The following GALNT13 variants were observed in gnomAD, a reference collection of about 807,000 sequenced individuals.
The protein encoded by GALNT13 is polypeptide N-acetylgalactosaminyltransferase 13.
GALNT13 carries 28 observed loss-of-function variants against 64.2 expected under a neutral mutation model. The observed-to-expected ratio is 0.44, with a 90% CI of 0.32 to 0.60. The LOEUF (loss-of-function observed/expected upper bound fraction) is 0.60, where lower values mean the gene tolerates loss of function less well. GALNT13 is among the 20% of genes least tolerant of loss of function. The pLI is 0.05. For synonymous variants in GALNT13, 214 were observed against 224.6 expected (o/e 0.95, Z 0.42); for missense variants, 577 against 669.8 (o/e 0.86, Z 1.53).
the GALNT13 span, among the ~76,000 whole-genome samples, chr2:153,798,702 G>T: frequency 6.6e-6 from 1 of 152,110 alleles, no homozygotes; most frequent in South Asian, 2.1e-4. Context: ...TGTATACGGA[G>T]AAATTATTTT....
intron 9 of GALNT13, among the ~76,000 whole-genome samples, chr2:154,364,247 CTTAATT>C (rs1364430127): frequency 2.0e-5 from 3 of 152,096 alleles, no homozygotes; most frequent in African/African-American, 7.2e-5. Flanking sequence ...AAAATAGAAA[CTTAATT>C]TTAAGTTAAT....
intron 7 of GALNT13, among the ~76,000 whole-genome samples, chr2:154,258,196 G>A (rs941918727): frequency 1.3e-5 from 2 of 152,046 alleles, no homozygotes; most frequent in Admixed American, 1.3e-4. Flanking sequence ...GACTTGTGTA[G>A]CTCACTCATT....
chr2:154,025,276 G>A (rs1370674182), intron 3 of GALNT13, among the ~76,000 whole-genome samples: 1 of 152,170 alleles, frequency 6.6e-6, no homozygotes, highest in Non-Finnish European at 1.5e-5. Flanking sequence ...GGGTGCTGTA[G>A]ACTGGAGCTG....
At chr2:153,103,902 A>G in the GALNT13 span, among the ~76,000 whole-genome samples, 1 of 152,180 alleles carries the variant, frequency 6.6e-6, no homozygotes, top group African/African-American at 2.4e-5. Context: ...GGTTTTAGTG[A>G]AAATATAATT....
At chr2:153,388,110 ATATAGACCCTAG>A in the GALNT13 span, among the ~76,000 whole-genome samples, 1 of 151,896 alleles carries the variant, frequency 6.6e-6, no homozygotes, top group African/African-American at 2.4e-5. Flanking sequence ...GAAAGGGAAA[ATATAGACCCTAG>A]TCTTTGCTTT....
the GALNT13 span, among the ~76,000 whole-genome samples, chr2:153,717,596 G>A: frequency 3.3e-4 from 50 of 152,074 alleles, no homozygotes; most frequent in African/African-American, 9.4e-4. Flanking sequence ...CACAAATTGC[G>A]TTCTTGTATT....
At chr2:153,429,604 G>C in the GALNT13 span, among the ~76,000 whole-genome samples, 2 of 152,008 alleles carry the variant, frequency 1.3e-5, no homozygotes, top group Non-Finnish European at 2.9e-5. Flanking sequence ...AACATCTTCC[G>C]AGAGAAAGCA....
Position 154,242,915 on chromosome 2 carries a change from T to G in GALNT13, c.686+10T>G. ...GAATAAAGGAAGACAGGTAAGAATT[T>G]ATGTGTTCTGTCTGCCTGGGTTATG... On this transcript the variant is annotated intron_variant, in intron 6 of 12. Coordinates refer to ENST00000392825, the MANE Select transcript of GALNT13 (RefSeq NM_052917.4). 1.2e-6 allele frequency: 2 copies of G among 1,609,936 alleles called. No individual in the cohort carries two copies. The highest frequency in any genetic ancestry group is 1.7e-6 in the Non-Finnish European group (2 of 1,176,418).
rs114029964 is a variant in GALNT13 at position 154,125,589 on chromosome 2, C to T, written c.143-14748C>T. 7.0e-3 allele frequency among the ~76,000 whole-genome samples: 1,059 copies of T among 152,044 alleles called. 8 individuals are homozygous for T. The highest frequency in any genetic ancestry group is 0.024 in the African/African-American group (984 of 41,472). On this transcript the variant is annotated intron_variant, in intron 3 of 12. Transcript: ENST00000392825. ...ATTAGATAATCTGCATGTACAAAAA[C>T]GCAAAAAAGTGGAGCAAAGAGGAGG... is the stretch of plus-strand genomic sequence containing the variant.
chr2:154,438,496 A>C, intron 11 of GALNT13, 96 bp from the exon 12 acceptor site: 1 of 820,486 alleles, frequency 1.2e-6, no homozygotes, highest in Non-Finnish European at 1.9e-6. Context: ...TTGAAAACAC[A>C]AGTTTATCTG....
chr2:153,677,324 C>CACACA, the GALNT13 span, among the ~76,000 whole-genome samples: 1 of 147,936 alleles, frequency 6.8e-6, no homozygotes, highest in African/African-American at 2.5e-5. Context: ...CACACACACA[C>CACACA]AATACCTATG....
chr2:154,231,413 TTGA>T (rs774525837), intron 4 of GALNT13, among the ~76,000 whole-genome samples: 4 of 152,102 alleles, frequency 2.6e-5, no homozygotes, highest in Admixed American at 6.6e-5. Context: ...CATGTTTCTA[TTGA>T]TGATGTTGCT....
chr2:153,722,781 A>G, the GALNT13 span, among the ~76,000 whole-genome samples: 1 of 152,118 alleles, frequency 6.6e-6, no homozygotes, highest in Non-Finnish European at 1.5e-5. Flanking sequence ...GAATGGACCA[A>G]TAACAGGAGC....
rs71419007 is a variant in GALNT13 at position 154,425,712 on chromosome 2, T to C, written c.1396-12880T>C. Among the ~76,000 whole-genome samples the C allele has an allele frequency of 3.4e-3, 517 of 152,274 alleles. 3 individuals carry two copies. Among genetic ancestry groups the C allele is most frequent in the Non-Finnish European group, 4.6e-3 (315 of 68,022 alleles). ...AATGAGGTTGGAATAGTGGGAGAAATTCTTACAGAAATGATAACACTCGGT... is the reference window on the plus strand; with the variant it reads ...AATGAGGTTGGAATAGTGGGAGAAACTCTTACAGAAATGATAACACTCGGT... On this transcript the variant is annotated intron_variant, in intron 11 of 12. Transcript: ENST00000392825.
the GALNT13 span, among the ~76,000 whole-genome samples, chr2:153,483,477 C>T: frequency 4.5e-5 from 6 of 132,874 alleles, no homozygotes; most frequent in East Asian, 2.2e-4. Flanking sequence ...AGTGCAATGG[C>T]GCAATCTCAG....
At chr2:153,191,377 A>G in the GALNT13 span, among the ~76,000 whole-genome samples, 1 of 152,086 alleles carries the variant, frequency 6.6e-6, no homozygotes, top group Non-Finnish European at 1.5e-5. Context: ...ATTAATTTGC[A>G]TATGTAGGTT....
intron 4 of GALNT13, among the ~76,000 whole-genome samples, chr2:154,209,458 G>A (rs1046576993): frequency 9.2e-5 from 14 of 152,096 alleles, no homozygotes; most frequent in African/African-American, 3.1e-4. Context: ...CTATAAATTA[G>A]GATTCACTTT....
intron 2 of GALNT13, among the ~76,000 whole-genome samples, chr2:153,903,758 A>G (rs982460121): frequency 6.6e-6 from 1 of 152,024 alleles, no homozygotes; most frequent in East Asian, 1.9e-4. Context: ...TTTCACCTAC[A>G]TAATTATTAC....
At chr2:153,944,663 T>C in intron 3 of GALNT13, 24 bp downstream of exon 3, 1 of 1,603,612 alleles carries the variant, frequency 6.2e-7, no homozygotes, top group South Asian at 1.1e-5. Flanking sequence ...AAGCAAATAC[T>C]GTCTTTATAG....
Sources: gnomAD v4.1 joint callset for allele counts (sites outside exome capture counted in the v4.1 genomes callset) on GRCh38, gnomAD v4.1.1 for gene constraint, MANE v1.5 for transcripts, NCBI Gene and HGNC (gene_info 2026-07-23, HGNC 2026-07-21) for gene names.